The following CYP2U1 variants were observed in gnomAD, a reference collection of about 807,000 sequenced individuals.
CYP2U1 encodes cytochrome P450 family 2 subfamily U member 1, also known as cytochrome P450 2U1.
CYP2U1 carries 28 observed loss-of-function variants against 42.8 expected under a neutral mutation model. That is an observed-to-expected ratio of 0.65 (90% CI 0.48 to 0.90). CYP2U1 has a LOEUF of 0.90. Among genes scored for constraint, CYP2U1 ranks in the 40% least tolerant of loss-of-function variants. The pLI, the probability that CYP2U1 is intolerant of heterozygous loss-of-function variation, is 0.00. For synonymous variants in CYP2U1, 296 were observed against 278.9 expected (o/e 1.06, Z -0.61); for missense variants, 642 against 693.8 (o/e 0.93, Z 0.84).
At position 107,932,124 on chromosome 4, in the gene CYP2U1, A is replaced by G; in HGVS notation, c.481A>G (p.Lys161Glu). The part of the protein sequence containing the change: ...PRVPLISIVT[K>E]EKGVVFAHYG... ...GGTGCCGCTCATCTCCATCGTGACC[A>G]AGGAGAAGGGTGAGCGGGAGGTCGT... Residue 161 changes from lysine to glutamate, a missense_variant, in exon 1 of 5, where the codon AAG becomes GAG. Lys to Glu is a moderately conservative substitution (Grantham distance 56, BLOSUM62 1). Transcript: ENST00000332884. The G allele has an allele frequency of 1.2e-6, 2 of 1,604,516 alleles. No individual in the cohort carries two copies. Among genetic ancestry groups the G allele is most frequent in the Non-Finnish European group, 1.7e-6 (2 of 1,176,414 alleles).
At position 107,947,479 on chromosome 4, in the gene CYP2U1, G is replaced by A. The variant is rs1315674284; in HGVS notation, c.1230G>A (p.Val410=). 2 of 1,614,132 alleles carry A rather than the reference G, an allele frequency of 1.2e-6. No homozygotes were observed. The highest frequency in any genetic ancestry group is 1.6e-4 in the Middle Eastern group (1 of 6,062). ...ACACAGAAGCCACCATCATGGAAGT[G>A]CAGAGGCTAACTGTGGTGGTGCCGC... ...MPYTEATIME[V]QRLTVVVPLA... The change falls in exon 3 of 5, where the codon GTG becomes GTA. Residue 410 remains valine, a synonymous_variant. Transcript: ENST00000332884.
At chr4:107,944,706 A>C (rs1204968019) in intron 1 of CYP2U1, among the ~76,000 whole-genome samples, 1 of 151,088 alleles carries the variant, frequency 6.6e-6, no homozygotes, top group Non-Finnish European at 1.5e-5. Flanking sequence ...TCATTTCACC[A>C]GGAGTTACTA....
chr4:107,932,874 G>GT (rs1457001419), intron 1 of CYP2U1, among the ~76,000 whole-genome samples: 3 of 152,160 alleles, frequency 2.0e-5, no homozygotes, highest in African/African-American at 7.2e-5. Flanking sequence ...AGCCTCCCTT[G>GT]TTAGAACCAG....
In CYP2U1 at chr4:107,944,478, T is replaced by G. The variant is rs190943182; in HGVS notation, c.491-492T>G. On this transcript the variant is annotated intron_variant, in intron 1 of 4. Transcript: ENST00000332884. ...GCCACCACACCCGGCTAATTTTTTT[T>G]TTTTTTAAATAGAGATGGGGTCTTG... Among the ~76,000 whole-genome samples, 85 of 151,288 alleles carry G rather than the reference T, an allele frequency of 5.6e-4. 1 individual carries two copies. Among genetic ancestry groups the G allele is most frequent in the Middle Eastern group, 3.4e-3 (1 of 292 alleles).
At chr4:107,941,916 T>C (rs1041593444) in intron 1 of CYP2U1, among the ~76,000 whole-genome samples, 9 of 152,316 alleles carry the variant, frequency 5.9e-5, no homozygotes, top group East Asian at 3.9e-4. Flanking sequence ...AGGAAACTTA[T>C]AAGCCATTGT....
chr4:107,939,614 G>A (rs1560697731), intron 1 of CYP2U1, among the ~76,000 whole-genome samples: 1 of 152,218 alleles, frequency 6.6e-6, no homozygotes, highest in Non-Finnish European at 1.5e-5. Context: ...GGGAATGCCA[G>A]TGGAGTATGA....
intron 1 of CYP2U1, among the ~76,000 whole-genome samples, chr4:107,933,088 C>A (rs1358276924): frequency 6.6e-6 from 1 of 152,186 alleles, no homozygotes; most frequent in Admixed American, 6.5e-5. Context: ...AAAGAAAGAT[C>A]TAGGCTTTTC....
chr4:107,945,316 TC>T lies in CYP2U1; in HGVS notation c.840del (p.Phe281LeufsTer7). On this transcript the variant is annotated frameshift_variant, in exon 2 of 5. Transcript: ENST00000332884. LOFTEE classifies it high-confidence loss of function. ...ACATATGCCCTTGGCTTTATTACCTTCCCTTTGGACCATTTAAGGAATTAAG... is the reference window on the plus strand; with the variant it reads ...ACATATGCCCTTGGCTTTATTACCTTCCTTTGGACCATTTAAGGAATTAAG... ...VNICPWLYYL[P>X]FGPFKELRQI... 2 of 1,614,060 alleles carry T rather than the reference TC, an allele frequency of 1.2e-6. No individual in the cohort carries two copies. The highest frequency in any genetic ancestry group is 3.3e-5 in the Admixed American group (2 of 60,000).
intron 1 of CYP2U1, chr4:107,938,551 G>C (rs1048863240): frequency 1.3e-5 from 2 of 152,226 alleles, no homozygotes; most frequent in Non-Finnish European, 2.9e-5. Context: ...AAGTCAGAGA[G>C]AGAGGAGGGA....
At position 107,949,378 on chromosome 4, in the gene CYP2U1, C is replaced by T; in HGVS notation, c.1317C>T (p.Gly439=). Residue 439 remains glycine, a synonymous_variant, in exon 4 of 5, where the codon GGC becomes GGT. Transcript: ENST00000332884. ...TVLQGYTIPK[G]TLILPNLWSV... is the part of the protein sequence containing the mutation. ...TCCAAGGGTATACCATTCCTAAAGG[C>T]ACATTGATCTTACCCAACCTGTGGT... The T allele has an allele frequency of 6.3e-7, 1 of 1,585,856 alleles. No individual in the cohort carries two copies. The highest frequency in any genetic ancestry group is 2.3e-5 in the East Asian group (1 of 44,218).
At chr4:107,937,916 T>C (rs564253797) in intron 1 of CYP2U1, 9 of 152,358 alleles carry the variant, frequency 5.9e-5, no homozygotes, top group Non-Finnish European at 1.2e-4. Flanking sequence ...TTTCATATTA[T>C]TAAATATTCT....
intron 1 of CYP2U1, among the ~76,000 whole-genome samples, chr4:107,941,587 T>C (rs990934689): frequency 1.3e-5 from 2 of 150,302 alleles, no homozygotes; most frequent in South Asian, 4.2e-4. Flanking sequence ...CCAGGTAAGG[T>C]AGCAAAGAAG....
intron 2 of CYP2U1, among the ~76,000 whole-genome samples, chr4:107,946,880 G>GA (rs112915391): frequency 0.18 from 27,450 of 151,948 alleles, 2,638 homozygotes; most frequent in Non-Finnish European, 0.21. Flanking sequence ...ACCTGAGAGA[G>GA]GAGAGAGTGG....
chr4:107,950,300 T>G lies in CYP2U1; in HGVS notation c.1512T>G (p.Phe504Leu). The change falls in exon 5 of 5, where the codon TTT (phenylalanine) becomes TTG (leucine). Residue 504 changes from phenylalanine to leucine, a missense_variant. Phe to Leu is a conservative substitution (Grantham distance 22). Coordinates refer to ENST00000332884, the MANE Select transcript of CYP2U1 (RefSeq NM_183075.3). ...QLAKMELFLMFVSLMQSFAFA... is the reference protein window; with the variant it reads ...QLAKMELFLMLVSLMQSFAFA... ...CAAAGATGGAATTATTCCTAATGTT[T>G]GTGAGCCTAATGCAGAGTTTCGCAT... 1 of 1,614,064 alleles carries G rather than the reference T, an allele frequency of 6.2e-7. No homozygotes were observed. The highest frequency in any genetic ancestry group is 8.5e-7 in the Non-Finnish European group (1 of 1,179,988).
In CYP2U1 at chr4:107,951,986, C is replaced by T. The variant is rs560497338; in HGVS notation, c.*1563C>T. 4 of 152,206 alleles carry T rather than the reference C, an allele frequency of 2.6e-5. No homozygotes were observed. Among genetic ancestry groups the T allele is most frequent in the Non-Finnish European group, 4.4e-5 (3 of 68,050 alleles). 9.4% of individuals were successfully genotyped at this position (152,206 alleles called of 1,614,324 possible). On this transcript the variant is annotated 3_prime_UTR_variant, in exon 5 of 5. Transcript: ENST00000332884. ...TCAGAACCACTTCTTGATTCTGCCA[C>T]CACTTGATCCCATAACAGGCTACCC...
At chr4:107,934,797 G>C (rs1265213035) in intron 1 of CYP2U1, among the ~76,000 whole-genome samples, 1 of 152,136 alleles carries the variant, frequency 6.6e-6, no homozygotes, top group Non-Finnish European at 1.5e-5. Context: ...CTTCTTACTT[G>C]ACTGATTGCT....
chr4:107,943,594 C>G (rs1204859332), intron 1 of CYP2U1, among the ~76,000 whole-genome samples: 1 of 152,096 alleles, frequency 6.6e-6, no homozygotes, highest in Non-Finnish European at 1.5e-5. Context: ...GCAACCACTG[C>G]AGATTTGAGC....
chr4:107,940,651 G>T (rs1014984695), intron 1 of CYP2U1: 26 of 151,320 alleles, frequency 1.7e-4, no homozygotes, highest in African/African-American at 6.1e-4. Flanking sequence ...AGCTAGTCTT[G>T]GCTCTCTGGC....
At position 107,950,778 on chromosome 4, in the gene CYP2U1, C is replaced by G. The variant is rs1400118471; in HGVS notation, c.*355C>G. On this transcript the variant is annotated 3_prime_UTR_variant, in exon 5 of 5. Coordinates refer to ENST00000332884, the MANE Select transcript of CYP2U1 (RefSeq NM_183075.3). ...ATGAGAGTAATAAAACTTGGCTTCTCTCTACCTCTCAGCACTAATGATGGT... is the reference window on the plus strand; with the variant it reads ...ATGAGAGTAATAAAACTTGGCTTCTGTCTACCTCTCAGCACTAATGATGGT... The G allele has an allele frequency of 1.7e-5, 3 of 179,648 alleles. No homozygotes were observed. The highest frequency in any genetic ancestry group is 1.1e-4 in the Admixed American group (2 of 17,736). The allele number at this position is 179,648 out of a possible 1,614,324, so 11.1% of individuals were successfully genotyped here.
Sources: gnomAD v4.1 joint callset for allele counts (sites outside exome capture counted in the v4.1 genomes callset) on GRCh38, gnomAD v4.1.1 for gene constraint, MANE v1.5 for transcripts, NCBI Gene and HGNC (gene_info 2026-07-23, HGNC 2026-07-21) for gene names.